The following AQP11 variants were observed in gnomAD, a reference collection of about 807,000 sequenced individuals.
AQP11 encodes the protein aquaporin-11.
AQP11 carries 20 observed loss-of-function variants against 21.1 expected under a neutral mutation model. That is an observed-to-expected ratio of 0.95 (90% CI 0.67 to 1.38). AQP11 has a LOEUF of 1.38. Among genes scored for constraint, AQP11 ranks in the 40% most tolerant of loss-of-function variants. The pLI, the probability that AQP11 is intolerant of heterozygous loss-of-function variation, is 0.00. For missense variants in AQP11, 339 were observed against 340.4 expected (o/e 1.00, Z 0.03); for synonymous variants, 167 against 150.1 (o/e 1.11, Z -0.82).
At chr11:77,599,647 C>T (rs549950243) in intron 1 of AQP11, among the ~76,000 whole-genome samples, 423 of 151,374 alleles carry the variant, frequency 2.8e-3, no homozygotes, top group Non-Finnish European at 5.0e-3. Context: ...CAGGCTGGAG[C>T]GCAGTGGTGC....
chr11:77,606,183 T>G (rs1470526178), intron 2 of AQP11, among the ~76,000 whole-genome samples: 1 of 152,060 alleles, frequency 6.6e-6, no homozygotes, highest in East Asian at 1.9e-4. Context: ...AAATAAATTT[T>G]TTTAAAAAGG....
intron 1 of AQP11, among the ~76,000 whole-genome samples, chr11:77,595,412 T>C (rs1465316678): frequency 6.6e-6 from 1 of 152,134 alleles, no homozygotes; most frequent in Non-Finnish European, 1.5e-5. Flanking sequence ...CACATACTGC[T>C]CATTTCTTTC....
chr11:77,599,148 T>C (rs1161352164), intron 1 of AQP11, among the ~76,000 whole-genome samples: 1 of 152,074 alleles, frequency 6.6e-6, no homozygotes, highest in African/African-American at 2.4e-5. Flanking sequence ...CCCAAAGTGC[T>C]GGGATTACAG....
chr11:77,591,643 G>A (rs1035294417), intron 1 of AQP11, among the ~76,000 whole-genome samples: 5 of 152,082 alleles, frequency 3.3e-5, no homozygotes, highest in African/African-American at 1.2e-4. Context: ...ACCGAGGTGG[G>A]TGGATCACCT....
chr11:77,594,733 C>G lies in AQP11; in HGVS notation c.619+4122C>G, dbSNP rs192810109. On this transcript the variant is annotated intron_variant, in intron 1 of 2. Coordinates refer to ENST00000313578, the MANE Select transcript of AQP11 (RefSeq NM_173039.3). ...ACTTATGTATTTTAGGATTACAGAA[C>G]ATAAGCATCCAGCAACATAGCCACA... Among the ~76,000 whole-genome samples the G allele has an allele frequency of 3.3e-5, 5 of 152,220 alleles. No individual in the cohort carries two copies. In the East Asian group the frequency reaches 9.6e-4, roughly 29 times the overall value.
chr11:77,603,787 T>C, intron 2 of AQP11, 115 bp downstream of exon 2: 1 of 733,374 alleles, frequency 1.4e-6, no homozygotes, highest in Admixed American at 2.9e-5. Flanking sequence ...AAACAGAAAA[T>C]GAAAAAGGTA....
intron 2 of AQP11, among the ~76,000 whole-genome samples, chr11:77,607,281 A>G (rs1333540691): frequency 1.3e-5 from 2 of 152,228 alleles, no homozygotes; most frequent in African/African-American, 4.8e-5. Context: ...GAAAAAATAA[A>G]TTATAAATTA....
At chr11:77,597,234 G>T (rs886494575) in intron 1 of AQP11, among the ~76,000 whole-genome samples, 1 of 152,168 alleles carries the variant, frequency 6.6e-6, no homozygotes, top group Non-Finnish European at 1.5e-5. Context: ...CAACATCTGA[G>T]AACAGTCTAA....
intron 1 of AQP11, among the ~76,000 whole-genome samples, chr11:77,596,444 TAAA>T (rs66671315): frequency 3.9e-4 from 46 of 119,084 alleles, no homozygotes; most frequent in South Asian, 1.0e-3. Flanking sequence ...ATGTCTCAAT[TAAA>T]AAAAAAAAAT....
chr11:77,604,110 TTTTTG>T (rs1958830867), intron 2 of AQP11, among the ~76,000 whole-genome samples: 1 of 152,162 alleles, frequency 6.6e-6, no homozygotes, highest in African/African-American at 2.4e-5. Flanking sequence ...ATTTTTATTG[TTTTTG>T]TTTTGTTTTT....
rs145729667 is a variant in AQP11 at position 77,591,698 on chromosome 11, C to T, written c.619+1087C>T. ...CAGCCTCGCCAACATGGTGAAACCC[C>T]GTCTCTACTAAAAATACAAAAAAAA... On this transcript the variant is annotated intron_variant, in intron 1 of 2. Transcript: ENST00000313578. Among the ~76,000 whole-genome samples, 1,306 of 151,912 alleles carry T rather than the reference C, an allele frequency of 8.6e-3. 18 individuals are homozygous for T. The highest frequency in any genetic ancestry group is 0.028 in the African/African-American group (1,165 of 41,404).
rs1212460438 is a variant in AQP11, at chr11:77,609,286, T to C, written c.737-12T>C. 1.2e-6 allele frequency: 2 copies of C among 1,606,056 alleles called. No individual in the cohort carries two copies. Among genetic ancestry groups the C allele is most frequent in the South Asian group, 2.2e-5 (2 of 90,174 alleles). ...AGATTGTTTTTTTATTTTACTGTATTTTGTCTTTCAGGTATATTGTTGATG... is the reference window on the plus strand; with the variant it reads ...AGATTGTTTTTTTATTTTACTGTATCTTGTCTTTCAGGTATATTGTTGATG... On this transcript the variant is annotated splice_polypyrimidine_tract_variant and intron_variant, in intron 2 of 2. Transcript: ENST00000313578.
At chr11:77,600,305 C>T (rs1387151600) in intron 1 of AQP11, among the ~76,000 whole-genome samples, 4 of 152,010 alleles carry the variant, frequency 2.6e-5, no homozygotes, top group East Asian at 3.8e-4. Context: ...ATTGTATATG[C>T]GTATACTTGT....
At chr11:77,599,855 G>A (rs1488662806) in intron 1 of AQP11, among the ~76,000 whole-genome samples, 1 of 152,064 alleles carries the variant, frequency 6.6e-6, no homozygotes, top group Non-Finnish European at 1.5e-5. Flanking sequence ...CAAAGTGCTG[G>A]GATTACAGGA....
intron 1 of AQP11, among the ~76,000 whole-genome samples, chr11:77,599,209 G>C (rs952681840): frequency 2.7e-5 from 4 of 147,074 alleles, no homozygotes; most frequent in Non-Finnish European, 6.0e-5. Flanking sequence ...TTTTCTTTTT[G>C]CCCCCGGAGT....
chr11:77,601,549 T>TCC (rs1958815713), intron 1 of AQP11, among the ~76,000 whole-genome samples: 1 of 152,170 alleles, frequency 6.6e-6, no homozygotes, highest in East Asian at 1.9e-4. Flanking sequence ...GGGGTTTTGC[T>TCC]ATGTTGCCTG....
At chr11:77,596,250 C>T (rs963501497) in intron 1 of AQP11, among the ~76,000 whole-genome samples, 36 of 151,010 alleles carry the variant, frequency 2.4e-4, no homozygotes, top group Non-Finnish European at 3.5e-4. Flanking sequence ...ACCAATTCAA[C>T]GCCAACATGG....
At chr11:77,596,676 T>G (rs1024136812) in intron 1 of AQP11, among the ~76,000 whole-genome samples, 1 of 150,066 alleles carries the variant, frequency 6.7e-6, no homozygotes, top group African/African-American at 2.4e-5. Context: ...CTGGGCAACA[T>G]AGCAAGACCC....
Position 77,609,518 on chromosome 11 carries a change from C to A in AQP11, c.*141C>A. On this transcript the variant is annotated 3_prime_UTR_variant, in exon 3 of 3. Coordinates refer to ENST00000313578, the MANE Select transcript of AQP11 (RefSeq NM_173039.3). ...GAGGAAGCTGCCTTATAGTTTTCAT[C>A]ACTGGGACTTTAAAAAAAAATTACT... The A allele has an allele frequency of 1.8e-6, 1 of 555,830 alleles. No individual in the cohort carries two copies. Among genetic ancestry groups the A allele is most frequent in the Non-Finnish European group, 3.0e-6 (1 of 336,948 alleles). The allele number at this position is 555,830 out of a possible 1,614,324, so 34.4% of individuals were successfully genotyped here.
Sources: allele counts gnomAD v4.1 joint callset (sites outside exome capture counted in the v4.1 genomes callset), GRCh38; gene constraint gnomAD v4.1.1; transcripts MANE v1.5; gene names NCBI Gene and HGNC (gene_info 2026-07-23, HGNC 2026-07-21).